Variants in POLDIP3 observed in about 807,000 individuals in gnomAD.
POLDIP3 encodes the protein DNA polymerase delta interacting protein 3.
In POLDIP3, 14 loss-of-function variants were observed where a neutral mutation model predicts 45.1. That is an observed-to-expected ratio of 0.31 (90% CI 0.20 to 0.49). The LOEUF is 0.49. POLDIP3 is among the 20% of genes least tolerant of loss of function. The pLI, the probability that POLDIP3 is intolerant of heterozygous loss-of-function variation, is 0.99. For missense variants in POLDIP3, 511 were observed against 538.8 expected (o/e 0.95, Z 0.51); for synonymous variants, 223 against 205.2 (o/e 1.09, Z -0.74).
intron 3 of POLDIP3, among the ~76,000 whole-genome samples, chr22:42,601,410 AAAAC>A (rs1397679520): frequency 2.0e-5 from 3 of 151,922 alleles, no homozygotes; most frequent in Admixed American, 6.6e-5. Context: ...AAAATTAAAA[AAAAC>A]AAACAAAACT....
intron 5 of POLDIP3, among the ~76,000 whole-genome samples, chr22:42,595,819 C>T (rs141867430): frequency 6.1e-4 from 93 of 152,302 alleles, no homozygotes; most frequent in African/African-American, 2.1e-3. Context: ...CTCCCAAATA[C>T]GCAAGCCTCT....
chr22:42,595,440 G>A, intron 6 of POLDIP3, 97 bp downstream of exon 6: 2 of 1,045,528 alleles, frequency 1.9e-6, no homozygotes, highest in South Asian at 2.6e-5. Context: ...TGAGTCTGGT[G>A]AGTCCTAGCA....
At position 42,596,088 on chromosome 22, in the gene POLDIP3, T is replaced by C. The variant is rs1470348149; in HGVS notation, c.813+98A>G. On this transcript the variant is annotated intron_variant, in intron 5 of 8. Coordinates refer to ENST00000252115, the MANE Select transcript of POLDIP3 (RefSeq NM_032311.5). ...CTCATCTGTAGAATGGGGGTGGCAA[T>C]GCCCACCTCACAAAGGCGTTGTGGG... The C allele has an allele frequency of 2.2e-6, 3 of 1,359,076 alleles. No individual in the cohort carries two copies. In the African/African-American group the frequency reaches 4.3e-5, roughly 20 times the overall value. The allele number at this position is 1,359,076 out of a possible 1,614,324, so 84.2% of individuals were successfully genotyped here. A position where few individuals can be genotyped will look rare whatever the true frequency, so the allele number is the denominator to read the frequency against.
intron 1 of POLDIP3, among the ~76,000 whole-genome samples, chr22:42,610,186 A>C (rs1391947778): frequency 6.6e-6 from 1 of 152,168 alleles, no homozygotes; most frequent in African/African-American, 2.4e-5. Context: ...AAAATAAATA[A>C]ATAAAATAAA....
intron 4 of POLDIP3, among the ~76,000 whole-genome samples, chr22:42,597,449 G>GA: frequency 6.6e-6 from 1 of 152,162 alleles, no homozygotes; most frequent in Non-Finnish European, 1.5e-5. Flanking sequence ...ACAGCACAGT[G>GA]ACTCCACACA....
rs34407574 is a variant in POLDIP3 at position 42,596,318 on chromosome 22, G to A, written c.681C>T (p.Leu227=). 244 of 1,614,168 alleles carry A rather than the reference G, an allele frequency of 1.5e-4. 1 individual carries two copies. In the African/African-American group the frequency reaches 2.9e-3, roughly 19 times the overall value. Residue 227 remains leucine (L), a synonymous_variant, in exon 5 of 9, where the codon CTC becomes CTT. Coordinates refer to ENST00000252115, the MANE Select transcript of POLDIP3 (RefSeq NM_032311.5). ...SKLSMSKALP[L]TKVVQNDAYT... ...ATGCATCATTCTGAACCACTTTGGT[G>A]AGAGGGAGGGCCTTGGACATGGAAA...
chr22:42,593,774 C>T (rs1334610967), intron 6 of POLDIP3, among the ~76,000 whole-genome samples: 1 of 152,160 alleles, frequency 6.6e-6, no homozygotes, highest in Non-Finnish European at 1.5e-5. Flanking sequence ...CAACCTTGGC[C>T]TCCCAAAGTG....
At chr22:42,588,598 A>G (rs1173533691) in intron 7 of POLDIP3, among the ~76,000 whole-genome samples, 1 of 150,490 alleles carries the variant, frequency 6.6e-6, no homozygotes, top group East Asian at 1.9e-4. Context: ...CTAACTATAC[A>G]CTCTCTATAG....
At chr22:42,586,203 G>C (rs560346086) in intron 8 of POLDIP3, among the ~76,000 whole-genome samples, 48 of 152,246 alleles carry the variant, frequency 3.2e-4, no homozygotes, top group Non-Finnish European at 3.5e-4. Flanking sequence ...CTACAGGCGT[G>C]TACCACCATG....
chr22:42,602,216 AATC>A (rs1926435546), intron 2 of POLDIP3, 160 bp from the exon 3 acceptor site: 1 of 1,161,460 alleles, frequency 8.6e-7, no homozygotes, highest in Admixed American at 2.5e-5. Flanking sequence ...GTAACAGAAG[AATC>A]ATCAATCCAG....
chr22:42,603,029 T>A lies in POLDIP3; in HGVS notation c.191A>T (p.Asp64Val). 1 of 1,614,120 alleles carries A rather than the reference T, an allele frequency of 6.2e-7. No individual in the cohort carries two copies. The highest frequency in any genetic ancestry group is 8.5e-7 in the Non-Finnish European group (1 of 1,180,012). The change falls in exon 2 of 9, where the codon GAT becomes GTT. Residue 64 changes from aspartate to valine, a missense_variant. Around this residue, in one of 4 missense-constraint regions of POLDIP3, gnomAD observed 378 missense variants for 352.3 expected, o/e 1.07. Transcript: ENST00000252115. ...CTTGACTCCCAGTTTGAGCCGGGCATCTGAGAGGCCAATCTTCTGCCGGGC... is the reference window on the plus strand; with the variant it reads ...CTTGACTCCCAGTTTGAGCCGGGCAACTGAGAGGCCAATCTTCTGCCGGGC... ...FDARQKIGLS[D>V]ARLKLGVKDA...
Position 42,595,391 on chromosome 22 carries a change from T to G in POLDIP3, c.891+146A>C, listed in dbSNP as rs571678824. 1.9e-4 allele frequency: 135 copies of G among 712,378 alleles called. No homozygotes were observed. The Admixed American group carries it at 2.9e-3, about 15-fold the overall frequency. The allele number at this position is 712,378 out of a possible 1,614,324, so 44.1% of individuals were successfully genotyped here. On this transcript the variant is annotated intron_variant, in intron 6 of 8. Transcript: ENST00000252115. ...CATGAGCCATTTGCTCTGCATCCTT[T>G]TGCTGTCATTAGTCTCAGCCCTGAG...
chr22:42,614,266 T>C (rs1927318482), intron 1 of POLDIP3, among the ~76,000 whole-genome samples: 1 of 152,158 alleles, frequency 6.6e-6, no homozygotes, highest in African/African-American at 2.4e-5. Context: ...ATCGTGTATA[T>C]GAAAGGGCTC....
At chr22:42,591,530 T>C (rs1925668428) in intron 7 of POLDIP3, among the ~76,000 whole-genome samples, 1 of 152,144 alleles carries the variant, frequency 6.6e-6, no homozygotes. Flanking sequence ...ATGAAAAATA[T>C]GAACCTCAAG....
At chr22:42,613,756 G>GT (rs1385076868) in intron 1 of POLDIP3, among the ~76,000 whole-genome samples, 3 of 151,864 alleles carry the variant, frequency 2.0e-5, no homozygotes, top group Admixed American at 6.6e-5. Context: ...GCAACACCCC[G>GT]TCTCAAAAAA....
At chr22:42,613,093 G>C (rs1047555156) in intron 1 of POLDIP3, among the ~76,000 whole-genome samples, 1 of 152,128 alleles carries the variant, frequency 6.6e-6, no homozygotes, top group Non-Finnish European at 1.5e-5. Context: ...ATAGACTACA[G>C]TGCAGTCCAC....
At chr22:42,608,978 G>C (rs958316601) in intron 1 of POLDIP3, among the ~76,000 whole-genome samples, 7 of 152,210 alleles carry the variant, frequency 4.6e-5, no homozygotes, top group African/African-American at 1.4e-4. Flanking sequence ...TGAAAAGACA[G>C]CTATTCATCC....
rs145272245 is a variant in POLDIP3, at chr22:42,585,797, C to G, written c.1260G>C (p.Lys420Asn). 6.2e-7 allele frequency: 1 copy of G among 1,611,518 alleles called. No individual in the cohort carries two copies. Among genetic ancestry groups the G allele is most frequent in the South Asian group, 1.1e-5 (1 of 90,892 alleles). ...GGCTGCCTCACTCCCCTGCTCAAAG[C>G]TTGATTTTGAATTCTGTGGGCTGCG... ...VTTQPTEFKI[K>N]L The change falls in exon 9 of 9, where the codon AAG becomes AAC. Residue 420 changes from lysine (K) to asparagine (N), a missense_variant. Transcript: ENST00000252115.
chr22:42,595,943 C>T (rs1017837397), intron 5 of POLDIP3, among the ~76,000 whole-genome samples: 36 of 152,228 alleles, frequency 2.4e-4, no homozygotes, highest in African/African-American at 8.7e-4. Context: ...CTCAGCCCTC[C>T]TAATAGCTTT....
Sources: gnomAD v4.1 joint callset for allele counts (sites outside exome capture counted in the v4.1 genomes callset) on GRCh38, gnomAD v4.1.1 for gene constraint, gnomAD v4.1.1 regional missense constraint, MANE v1.5 for transcripts, NCBI Gene and HGNC (gene_info 2026-07-23, HGNC 2026-07-21) for gene names.